RBFOX1: variants seen among roughly 807,000 people sequenced by gnomAD.
The protein encoded by RBFOX1 is RNA binding protein fox-1 homolog 1.
Under a neutral mutation model 57.7 loss-of-function variants are expected in RBFOX1, and 8 were observed. The observed-to-expected ratio is 0.14, with a 90% confidence interval of 0.08 to 0.25. The LOEUF is 0.25. Ranked by LOEUF, RBFOX1 falls within the 10% of genes least tolerant of loss-of-function variation. The pLI is 1.00. For missense variants in RBFOX1, 611 were observed against 548.5 expected (o/e 1.11, Z -1.14); for synonymous variants, 326 against 222.4 (o/e 1.47, Z -4.15).
chr16:6,419,950 C>G (rs7190164), intron 2 of RBFOX1, among the ~76,000 whole-genome samples: 1 of 151,844 alleles, frequency 6.6e-6, no homozygotes, highest in Non-Finnish European at 1.5e-5. Context: ...TGCAGGCCCC[C>G]CCATCCCTTC....
chr16:5,356,624 A>G (rs539865520), intron 1 of RBFOX1, among the ~76,000 whole-genome samples: 2 of 152,292 alleles, frequency 1.3e-5, no homozygotes, highest in Admixed American at 1.3e-4. Flanking sequence ...TGAAAAATAT[A>G]CTTGTTAAAT....
At chr16:6,931,680 G>A (rs948971914) in intron 3 of RBFOX1, among the ~76,000 whole-genome samples, 2 of 152,204 alleles carry the variant, frequency 1.3e-5, no homozygotes, top group African/African-American at 4.8e-5. Context: ...AAGGCTCACA[G>A]ACTCAAAGTC....
chr16:6,494,852 A>G (rs1006347642), intron 2 of RBFOX1, among the ~76,000 whole-genome samples: 2 of 152,236 alleles, frequency 1.3e-5, no homozygotes, highest in African/African-American at 4.8e-5. Flanking sequence ...ACACGGCACT[A>G]AATGCAGAGA....
chr16:7,627,032 T>C (rs1053839401), intron 10 of RBFOX1, among the ~76,000 whole-genome samples: 7 of 151,636 alleles, frequency 4.6e-5, no homozygotes, highest in Non-Finnish European at 1.0e-4. Flanking sequence ...GAGCATAGTG[T>C]AGGTAATAAC....
At chr16:7,666,230 A>C (rs1349792849) in intron 13 of RBFOX1, among the ~76,000 whole-genome samples, 2 of 152,166 alleles carry the variant, frequency 1.3e-5, no homozygotes, top group Non-Finnish European at 2.9e-5. Flanking sequence ...GACTCCATGC[A>C]GCCCATGGGT....
intron 3 of RBFOX1, among the ~76,000 whole-genome samples, chr16:5,717,453 C>T (rs113809613): frequency 1.1e-4 from 16 of 152,264 alleles, no homozygotes; most frequent in South Asian, 2.1e-4. Context: ...GCACCCATCA[C>T]CCAAGCAGTG....
intron 5 of RBFOX1, among the ~76,000 whole-genome samples, chr16:7,550,089 C>G (rs750063774): frequency 6.6e-6 from 1 of 151,100 alleles, no homozygotes; most frequent in Admixed American, 6.6e-5. Flanking sequence ...AACACCATGC[C>G]TGGCTAATTT....
chr16:6,898,245 C>G (rs1266817574), intron 3 of RBFOX1, among the ~76,000 whole-genome samples: 1 of 152,098 alleles, frequency 6.6e-6, no homozygotes, highest in African/African-American at 2.4e-5. Flanking sequence ...CAAGCTCTGA[C>G]TCCAGCTGTG....
At chr16:7,368,024 T>G (rs2097492698) in intron 4 of RBFOX1, among the ~76,000 whole-genome samples, 1 of 152,082 alleles carries the variant, frequency 6.6e-6, no homozygotes, top group South Asian at 2.1e-4. Flanking sequence ...CCCAGCATTT[T>G]GGGAAGCCGA....
chr16:7,012,970 A>T (rs781408085), intron 3 of RBFOX1, among the ~76,000 whole-genome samples: 1 of 152,080 alleles, frequency 6.6e-6, no homozygotes, highest in Non-Finnish European at 1.5e-5. Flanking sequence ...CACCTTCTCA[A>T]TGTGTCTTCA....
At chr16:6,667,169 T>C (rs1318717019) in intron 3 of RBFOX1, among the ~76,000 whole-genome samples, 1 of 152,170 alleles carries the variant, frequency 6.6e-6, no homozygotes, top group African/African-American at 2.4e-5. Flanking sequence ...GAATGTGGTG[T>C]TGAGTTAAAT....
intron 3 of RBFOX1, among the ~76,000 whole-genome samples, chr16:5,702,703 G>A (rs1243149116): frequency 6.6e-6 from 1 of 152,144 alleles, no homozygotes; most frequent in African/African-American, 2.4e-5. Context: ...CTGTAAAATG[G>A]GGTTCATAGT....
intron 2 of RBFOX1, among the ~76,000 whole-genome samples, chr16:6,410,557 C>T (rs910646611): frequency 3.9e-5 from 6 of 151,950 alleles, no homozygotes; most frequent in African/African-American, 1.4e-4. Context: ...ATGATCCACC[C>T]GCCTCTGCCT....
chr16:5,958,549 G>T (rs551716879), intron 4 of RBFOX1, among the ~76,000 whole-genome samples: 1 of 152,210 alleles, frequency 6.6e-6, no homozygotes, highest in African/African-American at 2.4e-5. Flanking sequence ...GAAAAAGGGG[G>T]ATGATAAGAG....
At chr16:5,969,043 C>G (rs1396447624) in intron 4 of RBFOX1, among the ~76,000 whole-genome samples, 2 of 151,918 alleles carry the variant, frequency 1.3e-5, no homozygotes, top group African/African-American at 2.4e-5. Flanking sequence ...TGAGTTTTTT[C>G]TTTTATTTCT....
rs1392289219 is a variant in RBFOX1 at position 7,084,095 on chromosome 16, G to C, written c.27+31997G>C. 4.6e-5 allele frequency among the ~76,000 whole-genome samples: 7 copies of C among 152,170 alleles called. No individual in the cohort carries two copies. The East Asian group carries it at 1.4e-3, about 29-fold the overall frequency. On this transcript the variant is annotated intron_variant, in intron 4 of 15. Transcript: ENST00000550418. ...TCTGATCAAACGTCTGCAAAGCATG[G>C]GCAAATAAATGTGTGGGACAGACCT... is the stretch of plus-strand genomic sequence containing the variant.
intron 4 of RBFOX1, among the ~76,000 whole-genome samples, chr16:7,224,480 C>G (rs555376516): frequency 2.6e-5 from 4 of 152,042 alleles, no homozygotes; most frequent in Non-Finnish European, 5.9e-5. Flanking sequence ...TGCAAATGAT[C>G]GAGCTATAAA....
intron 2 of RBFOX1, among the ~76,000 whole-genome samples, chr16:6,528,465 C>T (rs866978722): frequency 6.6e-5 from 10 of 152,174 alleles, no homozygotes; most frequent in African/African-American, 2.2e-4. Context: ...TTTACATGCA[C>T]CCTACAGCAT....
intron 4 of RBFOX1, among the ~76,000 whole-genome samples, chr16:5,900,611 C>T (rs1278104396): frequency 6.6e-6 from 1 of 152,186 alleles, no homozygotes; most frequent in African/African-American, 2.4e-5. Context: ...GTATTCTTCC[C>T]AGGCCATCCC....
Sources: allele counts gnomAD v4.1 joint callset (sites outside exome capture counted in the v4.1 genomes callset), GRCh38; gene constraint gnomAD v4.1.1; transcripts MANE v1.5; gene names NCBI Gene and HGNC (gene_info 2026-07-23, HGNC 2026-07-21).